The following CERK variants were observed in gnomAD, a reference collection of about 807,000 sequenced individuals.
The protein encoded by CERK is acylsphingosine kinase.
In CERK, 39 loss-of-function variants were observed where a neutral mutation model predicts 63.4. The observed-to-expected ratio is 0.61, with a 90% confidence interval of 0.48 to 0.80. The LOEUF is 0.80. CERK is among the 30% of genes least tolerant of loss of function. CERK has a pLI of 0.00. For synonymous variants in CERK, 302 were observed against 280.0 expected, an observed-to-expected ratio of 1.08 and a Z score of -0.78; for missense variants, 670 against 714.1, an observed-to-expected ratio of 0.94 and a Z score of 0.70.
intron 5 of CERK, among the ~76,000 whole-genome samples, chr22:46,709,035 C>T (rs965785599): frequency 3.9e-5 from 6 of 152,192 alleles, no homozygotes; most frequent in Non-Finnish European, 5.9e-5. Flanking sequence ...GCTTTGGGCC[C>T]GGCTCCCATG....
In CERK at chr22:46,701,802, T is replaced by C. The variant is rs892236537; in HGVS notation, c.716-92A>G. Reference sequence around the variant, plus strand: ...AGTGAGTGGTACCTCATTCCTTTCCTTCCATGGCCCTAGAGTCAACACTAA... The same window carrying C: ...AGTGAGTGGTACCTCATTCCTTTCCCTCCATGGCCCTAGAGTCAACACTAA... On this transcript the variant is annotated intron_variant, in intron 6 of 12. Transcript: ENST00000216264. 4.5e-6 allele frequency: 4 copies of C among 882,466 alleles called. No individual in the cohort carries two copies. In the African/African-American group the frequency reaches 6.7e-5, roughly 15 times the overall value. The allele number at this position is 882,466 out of a possible 1,614,324, so 54.7% of individuals were successfully genotyped here. A position where few individuals can be genotyped will look rare whatever the true frequency, so the allele number is the denominator to read the frequency against.
At chr22:46,720,628 A>C (rs1232689334) in intron 2 of CERK, among the ~76,000 whole-genome samples, 1 of 152,140 alleles carries the variant, frequency 6.6e-6, no homozygotes, top group Non-Finnish European at 1.5e-5. Context: ...CCCAGGAAGC[A>C]GAGGTTGAAC....
At chr22:46,725,886 T>G (rs2082915872) in intron 1 of CERK, among the ~76,000 whole-genome samples, 1 of 152,246 alleles carries the variant, frequency 6.6e-6, no homozygotes, top group Non-Finnish European at 1.5e-5. Context: ...TCCAGCTGCT[T>G]CTTTTTCCAT....
chr22:46,710,150 C>T (rs135699), intron 5 of CERK, among the ~76,000 whole-genome samples: 25,515 of 152,100 alleles, frequency 0.17, 2,476 homozygotes, highest in East Asian at 0.32. Context: ...GTAAACTGGC[C>T]GGGCGCGGTG....
intron 6 of CERK, among the ~76,000 whole-genome samples, chr22:46,707,584 C>T (rs557694175): frequency 6.6e-6 from 1 of 152,332 alleles, no homozygotes; most frequent in East Asian, 1.9e-4. Flanking sequence ...TCCAGGACTG[C>T]ACCCCCAGCG....
rs76466317 is a variant in CERK at position 46,726,527 on chromosome 22, C to G, written c.143-5512G>C. Reference sequence around the variant, plus strand: ...AAGGGTCACCCCAGAGGAAGAACACCCAAGAGATCCGAGTGGCTGGGAGGC... The same window carrying G: ...AAGGGTCACCCCAGAGGAAGAACACGCAAGAGATCCGAGTGGCTGGGAGGC... On this transcript the variant is annotated intron_variant, in intron 1 of 12. Coordinates refer to ENST00000216264, the MANE Select transcript of CERK (RefSeq NM_022766.6). Among the ~76,000 whole-genome samples, 1,302 of 152,292 alleles carry G rather than the reference C, an allele frequency of 8.5e-3. 15 individuals carry two copies. Among genetic ancestry groups the G allele is most frequent in the African/African-American group, 0.03 (1,238 of 41,548 alleles).
intron 12 of CERK, among the ~76,000 whole-genome samples, chr22:46,688,758 C>CCTG (rs1170322230): frequency 3.3e-5 from 5 of 152,248 alleles, no homozygotes; most frequent in African/African-American, 1.2e-4. Flanking sequence ...TGCTGACCAG[C>CCTG]CTGCTATCGC....
intron 5 of CERK, among the ~76,000 whole-genome samples, chr22:46,708,871 C>T (rs536595494): frequency 9.9e-5 from 15 of 152,030 alleles, no homozygotes; most frequent in Non-Finnish European, 1.9e-4. Context: ...GGTAGAGGAG[C>T]GGTGTGAGTC....
At chr22:46,694,296 C>T (rs777308709) in intron 9 of CERK, among the ~76,000 whole-genome samples, 1 of 152,092 alleles carries the variant, frequency 6.6e-6, no homozygotes, top group African/African-American at 2.4e-5. Context: ...GGTCATGCGG[C>T]CTGGGACAAC....
At chr22:46,706,483 C>T (rs2082813698) in intron 6 of CERK, among the ~76,000 whole-genome samples, 1 of 152,158 alleles carries the variant, frequency 6.6e-6, no homozygotes, top group South Asian at 2.1e-4. Context: ...AGCTTTTTCT[C>T]TATTGAGCTA....
At chr22:46,731,083 G>A (rs2082943082) in intron 1 of CERK, among the ~76,000 whole-genome samples, 1 of 152,260 alleles carries the variant, frequency 6.6e-6, no homozygotes, top group Non-Finnish European at 1.5e-5. Flanking sequence ...CTGTACAGGG[G>A]AGGCCACGCA....
chr22:46,725,751 G>C (rs115526300), intron 1 of CERK, among the ~76,000 whole-genome samples: 1 of 152,340 alleles, frequency 6.6e-6, no homozygotes, highest in African/African-American at 2.4e-5. Flanking sequence ...CCATGTCAGC[G>C]AGTGAGGCTG....
intron 1 of CERK, among the ~76,000 whole-genome samples, chr22:46,728,968 G>GCAGCCAGGGCCTCGGAGGCTGGA (rs1601730595): frequency 1.3e-5 from 2 of 152,248 alleles, no homozygotes; most frequent in Non-Finnish European, 2.9e-5. Context: ...CCAAAACAGG[G>GCAGCCAGGGCCTCGGAGGCTGGA]CAGCCAGGGC....
intron 6 of CERK, among the ~76,000 whole-genome samples, chr22:46,703,461 G>A (rs1224817351): frequency 6.6e-6 from 1 of 152,148 alleles, no homozygotes; most frequent in Admixed American, 6.5e-5. Context: ...CACCGGCCGT[G>A]CGCATCCAGG....
rs537993329 is a variant in CERK at position 46,689,789 on chromosome 22, C to G, written c.1541+203G>C. On this transcript the variant is annotated intron_variant, in intron 12 of 12. Coordinates refer to ENST00000216264, the MANE Select transcript of CERK (RefSeq NM_022766.6). Reference sequence around the variant, plus strand: ...GCAAAACAAAATGCTGAGGACTCGGCACCCTGGCATCTTTCCAGAATGTGG... The same window carrying G: ...GCAAAACAAAATGCTGAGGACTCGGGACCCTGGCATCTTTCCAGAATGTGG... 2.3e-4 allele frequency among the ~76,000 whole-genome samples: 35 copies of G among 152,338 alleles called. No homozygotes were observed. In the South Asian group the frequency reaches 7.2e-3, roughly 32 times the overall value.
chr22:46,691,692 G>C lies in CERK; in HGVS notation c.1212C>G (p.Pro404=), dbSNP rs201852137. The C allele has an allele frequency of 2.3e-5, 37 of 1,613,868 alleles. No homozygotes were observed. The highest frequency in any genetic ancestry group is 2.9e-5 in the Non-Finnish European group (34 of 1,180,000). The part of the protein sequence containing the change: ...TNMSCACRRS[P]RGLSPAAHLG... ...AGTGGGCAGCCGGGGAGAGGCCCCT[G>C]GGGCTCCGGCGACAAGCACAGGACA... Residue 404 remains proline (P), a synonymous_variant, in exon 11 of 13, where the codon CCC becomes CCG. Coordinates refer to ENST00000216264, the MANE Select transcript of CERK (RefSeq NM_022766.6).
intron 3 of CERK, among the ~76,000 whole-genome samples, chr22:46,713,913 T>C (rs1032677589): frequency 6.6e-6 from 1 of 151,878 alleles, no homozygotes; most frequent in African/African-American, 2.4e-5. Flanking sequence ...AGGAGGATCA[T>C]ATGAGCACAG....
rs1426732077 is a variant in CERK at position 46,708,024 on chromosome 22, G to A, written c.570-36C>T. 4 of 1,571,564 alleles carry A rather than the reference G, an allele frequency of 2.5e-6. No homozygotes were observed. In the African/African-American group the frequency reaches 5.4e-5, roughly 21 times the overall value. Reference sequence around the variant, plus strand: ...AACACAGCCGGTCAGGGCTCCTGCAGGTGCGGCCCTCTGAGCGCAGCAGGC... The same window carrying A: ...AACACAGCCGGTCAGGGCTCCTGCAAGTGCGGCCCTCTGAGCGCAGCAGGC... On this transcript the variant is annotated intron_variant, in intron 5 of 12. Coordinates refer to ENST00000216264, the MANE Select transcript of CERK (RefSeq NM_022766.6).
Position 46,694,810 on chromosome 22 carries a change from C to T in CERK, c.1049+400G>A, listed in dbSNP as rs116366623. Among the ~76,000 whole-genome samples, 486 of 152,316 alleles carry T rather than the reference C, an allele frequency of 3.2e-3. 3 individuals carry two copies. The highest frequency in any genetic ancestry group is 0.011 in the African/African-American group (470 of 41,558). The stretch of plus-strand genomic sequence containing the variant: ...TCAGCCAGCTCTACCAACGGTCCTG[C>T]CACCAGTGCCCTGCACACGCACAGT... On this transcript the variant is annotated intron_variant, in intron 9 of 12. Coordinates refer to ENST00000216264, the MANE Select transcript of CERK (RefSeq NM_022766.6).
Sources: allele counts gnomAD v4.1 joint callset (sites outside exome capture counted in the v4.1 genomes callset), GRCh38; gene constraint gnomAD v4.1.1; transcripts MANE v1.5; gene names NCBI Gene and HGNC (gene_info 2026-07-23, HGNC 2026-07-21).